PCDHA13: variants seen among roughly 807,000 people sequenced by gnomAD.
PCDHA13 encodes the protein protocadherin alpha-13.
Under a neutral mutation model 64.8 loss-of-function variants are expected in PCDHA13, and 54 were observed. That is an observed-to-expected ratio of 0.83 (90% CI 0.67 to 1.04). PCDHA13 has a LOEUF of 1.04. Among genes scored for constraint, PCDHA13 ranks in the 50% least tolerant of loss-of-function variants. The pLI is 0.00. For missense variants in PCDHA13, 1,248 were observed against 1,254.3 expected (o/e 0.99, Z 0.08); for synonymous variants, 587 against 564.4 (o/e 1.04, Z -0.57).
chr5:140,967,332 C>T (rs1269679357), intron 1 of PCDHA13: 2 of 1,607,906 alleles, frequency 1.2e-6, no homozygotes, highest in Non-Finnish European at 1.7e-6. Context: ...GAGCTCAGCC[C>T]CAGCGAGCAC....
At chr5:140,914,646 C>A (rs2076792238) in intron 1 of PCDHA13, among the ~76,000 whole-genome samples, 1 of 152,018 alleles carries the variant, frequency 6.6e-6, no homozygotes, top group Admixed American at 6.5e-5. Context: ...ATGGTCATCT[C>A]TCCCTTCTTT....
At chr5:140,979,104 A>G (rs1563470833) in intron 2 of PCDHA13, 97 bp downstream of exon 2, 3 of 1,539,000 alleles carry the variant, frequency 1.9e-6, no homozygotes, top group Admixed American at 2.2e-5. Context: ...TGTCAAAACT[A>G]AAAAGCTTTA....
chr5:140,902,191 C>G (rs1218204978), intron 1 of PCDHA13, among the ~76,000 whole-genome samples: 1 of 147,360 alleles, frequency 6.8e-6, no homozygotes, highest in Non-Finnish European at 1.5e-5. Context: ...TGTCTTCTCT[C>G]TCTCTCTCTT....
In PCDHA13 at chr5:140,883,577, G is replaced by A. The variant is rs782633953; in HGVS notation, c.1309G>A (p.Ala437Thr). 3 of 1,614,052 alleles carry A rather than the reference G, an allele frequency of 1.9e-6. No homozygotes were observed. Among genetic ancestry groups the A allele is most frequent in the Non-Finnish European group, 2.5e-6 (3 of 1,179,974 alleles). ...GGACGGGGGCTCGCCTTCGCTGTGG[G>A]CCACGGCCAGCGTGTCGGTGGGGGT... ...ARDGGSPSLW[A>T]TASVSVGVAD... The change falls in exon 1 of 4, where the codon GCC becomes ACC. Residue 437 changes from alanine to threonine, a missense_variant. Transcript: ENST00000289272.
chr5:140,993,265 C>A (rs1196226593), intron 3 of PCDHA13, among the ~76,000 whole-genome samples: 1 of 152,062 alleles, frequency 6.6e-6, no homozygotes, highest in Non-Finnish European at 1.5e-5. Flanking sequence ...AAATTAGCTT[C>A]TTTGGTCTTT....
At chr5:140,986,508 G>T (rs1043049646) in intron 3 of PCDHA13, among the ~76,000 whole-genome samples, 26 of 152,184 alleles carry the variant, frequency 1.7e-4, no homozygotes, top group African/African-American at 5.3e-4. Context: ...TAAAAGGACT[G>T]CCCCTGCCTG....
chr5:140,939,090 A>C (rs1563171940), intron 1 of PCDHA13, among the ~76,000 whole-genome samples: 1 of 152,192 alleles, frequency 6.6e-6, no homozygotes, highest in Non-Finnish European at 1.5e-5. Flanking sequence ...GGGTGGCTTA[A>C]AAACAATAGA....
In PCDHA13 at chr5:140,904,302, A is replaced by C. The variant is rs553969479; in HGVS notation, c.2394+19640A>C. Among the ~76,000 whole-genome samples, 22 of 151,950 alleles carry C rather than the reference A, an allele frequency of 1.4e-4. No individual in the cohort carries two copies. In the East Asian group the frequency reaches 3.9e-3, roughly 27 times the overall value. On this transcript the variant is annotated intron_variant, in intron 1 of 3. Transcript: ENST00000289272. ...TGTGGTGTTTGGTTTTCCATTCCTG[A>C]GTTTCTTCACTTAGAATAATGGTCT...
At chr5:140,957,897 C>A (rs1563294637) in intron 1 of PCDHA13, among the ~76,000 whole-genome samples, 2 of 151,908 alleles carry the variant, frequency 1.3e-5, no homozygotes, top group East Asian at 3.9e-4. Context: ...TGGCATCAAC[C>A]AAGGCATATT....
At chr5:140,962,076 G>A (rs2095654806) in intron 1 of PCDHA13, among the ~76,000 whole-genome samples, 1 of 151,758 alleles carries the variant, frequency 6.6e-6, no homozygotes. Flanking sequence ...TAGTAGAGAC[G>A]GGGTTTCACC....
At chr5:140,980,852 T>G (rs1233523507) in intron 2 of PCDHA13, among the ~76,000 whole-genome samples, 5 of 152,184 alleles carry the variant, frequency 3.3e-5, no homozygotes, top group African/African-American at 1.2e-4. Flanking sequence ...TACTAATCTT[T>G]TTCGTATGTG....
At chr5:140,929,721 ATTTAC>A in intron 1 of PCDHA13, 2 of 222,496 alleles carry the variant, frequency 9.0e-6, no homozygotes, top group Non-Finnish European at 9.4e-6. Context: ...AAGGTGAAAC[ATTTAC>A]TTAAACTATT....
At position 140,883,024 on chromosome 5, in the gene PCDHA13, A is replaced by G. The variant is rs782136244; in HGVS notation, c.756A>G (p.Leu252=). The G allele has an allele frequency of 1.9e-6, 3 of 1,614,184 alleles. No individual in the cohort carries two copies. Among genetic ancestry groups the G allele is most frequent in the Non-Finnish European group, 2.5e-6 (3 of 1,180,028 alleles). ...AATCCGTTTATAAAGTGACGGTGTT[A>G]GAGAACGCCTTCAATGGAACATTAG... is the stretch of plus-strand genomic sequence containing the variant. ...FYQSVYKVTV[L]ENAFNGTLVI... The change falls in exon 1 of 4, where the codon TTA becomes TTG. Residue 252 remains leucine (L), a synonymous_variant. Transcript: ENST00000289272.
chr5:140,967,415 C>T, intron 1 of PCDHA13: 1 of 1,613,142 alleles, frequency 6.2e-7, no homozygotes, highest in African/African-American at 1.3e-5. Flanking sequence ...GGGCCTAGAC[C>T]GGGAGCAGGC....
chr5:141,006,405 C>A (rs782532612), intron 3 of PCDHA13, among the ~76,000 whole-genome samples: 1 of 151,798 alleles, frequency 6.6e-6, no homozygotes, highest in Non-Finnish European at 1.5e-5. Context: ...AGTAGAGACG[C>A]GGTTTCACTG....
intron 1 of PCDHA13, among the ~76,000 whole-genome samples, chr5:140,905,837 G>A (rs1433117944): frequency 1.3e-5 from 2 of 152,148 alleles, no homozygotes; most frequent in African/African-American, 2.4e-5. Context: ...ATAAAGGGGA[G>A]TTTATTAAGG....
intron 1 of PCDHA13, among the ~76,000 whole-genome samples, chr5:140,921,342 TA>T (rs1311011800): frequency 6.6e-6 from 1 of 152,188 alleles, no homozygotes; most frequent in African/African-American, 2.4e-5. Flanking sequence ...AATCACATAA[TA>T]TATTTGCCTA....
chr5:140,998,195 A>C (rs1409926168), intron 3 of PCDHA13, among the ~76,000 whole-genome samples: 6 of 152,164 alleles, frequency 3.9e-5, no homozygotes, highest in African/African-American at 1.2e-4. Flanking sequence ...ACAAGTATTA[A>C]CTCCTTTAAT....
At chr5:141,006,108 T>G (rs1268824828) in intron 3 of PCDHA13, among the ~76,000 whole-genome samples, 3 of 151,864 alleles carry the variant, frequency 2.0e-5, no homozygotes, top group Non-Finnish European at 4.4e-5. Flanking sequence ...GTAAGGAGTT[T>G]TTTTTTTTTT....
Sources: gnomAD v4.1 joint callset for allele counts (sites outside exome capture counted in the v4.1 genomes callset) on GRCh38, gnomAD v4.1.1 for gene constraint, MANE v1.5 for transcripts, NCBI Gene and HGNC (gene_info 2026-07-23, HGNC 2026-07-21) for gene names.